The following COP1 variants were observed in gnomAD, a reference collection of about 807,000 sequenced individuals.
COP1 encodes the protein E3 ubiquitin-protein ligase COP1.
A neutral mutation model predicts 101.3 loss-of-function variants in COP1; 24 were observed. The observed-to-expected ratio is 0.24, with a 90% CI of 0.17 to 0.33. The LOEUF (loss-of-function observed/expected upper bound fraction) is 0.33, where lower values mean the gene tolerates loss of function less well. Among genes scored for constraint, COP1 ranks in the 10% least tolerant of loss-of-function variants. The pLI is 1.00. For missense variants in COP1, 663 were observed against 906.2 expected, an observed-to-expected ratio of 0.73 and a Z score of 3.45; for synonymous variants, 347 against 341.9, an observed-to-expected ratio of 1.01 and a Z score of -0.17.
chr1:176,145,596 A>T (rs962668420), intron 6 of COP1, among the ~76,000 whole-genome samples: 1 of 152,180 alleles, frequency 6.6e-6, no homozygotes, highest in Non-Finnish European at 1.5e-5. Context: ...AACTGAAAAC[A>T]ACTCAAATGA....
chr1:175,953,038 A>G (rs1191262297), intron 18 of COP1, among the ~76,000 whole-genome samples: 3 of 152,262 alleles, frequency 2.0e-5, no homozygotes, highest in Non-Finnish European at 2.9e-5. Context: ...AGGAAAAATA[A>G]TAACAGTGCT....
intron 8 of COP1, among the ~76,000 whole-genome samples, chr1:176,129,043 T>C (rs991791441): frequency 6.6e-6 from 1 of 151,928 alleles, no homozygotes; most frequent in African/African-American, 2.4e-5. Flanking sequence ...TAGAATGACA[T>C]GGGTAAACTA....
intron 11 of COP1, among the ~76,000 whole-genome samples, chr1:176,065,760 T>A (rs1454137140): frequency 6.9e-6 from 1 of 144,982 alleles, no homozygotes; most frequent in Non-Finnish European, 1.5e-5. Flanking sequence ...TAGGTTGGAG[T>A]GCAGTGGCGC....
intron 5 of COP1, 106 bp downstream of exon 5, chr1:176,162,762 AT>A: frequency 1.1e-6 from 1 of 910,086 alleles, no homozygotes; most frequent in Non-Finnish European, 1.6e-6. Context: ...CTGAGTAAAA[AT>A]GAATGGATTA....
rs530238270 is a variant in COP1 at position 176,134,195 on chromosome 1, C to T, written c.968+815G>A. Among the ~76,000 whole-genome samples, 74 of 152,030 alleles carry T rather than the reference C, an allele frequency of 4.9e-4. 1 individual carries two copies. The Middle Eastern group carries it at 0.01, about 21-fold the overall frequency. ...ATCTACCATAGTAGAACTGGACTTC[C>T]TGATAGTACACATTACCTAAAACTA... On this transcript the variant is annotated intron_variant, in intron 8 of 19. Coordinates refer to ENST00000367669, the MANE Select transcript of COP1 (RefSeq NM_022457.7).
chr1:176,160,242 A>G (rs1407359407), intron 5 of COP1: 1 of 390,296 alleles, frequency 2.6e-6, no homozygotes, highest in Non-Finnish European at 4.9e-6. Flanking sequence ...TTGGTATGGT[A>G]GCCCACACAC....
chr1:176,117,649 C>A (rs1686426632), intron 8 of COP1, among the ~76,000 whole-genome samples: 1 of 152,220 alleles, frequency 6.6e-6, no homozygotes, highest in Non-Finnish European at 1.5e-5. Flanking sequence ...AATCCCAGCA[C>A]TTTGGGAGGC....
chr1:175,972,454 T>C (rs1362038120), intron 18 of COP1, among the ~76,000 whole-genome samples: 4 of 149,074 alleles, frequency 2.7e-5, no homozygotes, highest in East Asian at 2.0e-4. Flanking sequence ...ATATACAAAA[T>C]ACAAGAATTT....
At chr1:176,026,611 T>C (rs1213383528) in intron 15 of COP1, among the ~76,000 whole-genome samples, 1 of 152,142 alleles carries the variant, frequency 6.6e-6, no homozygotes, top group African/African-American at 2.4e-5. Context: ...TACTTGTTAG[T>C]CCATGTCCTC....
intron 8 of COP1, among the ~76,000 whole-genome samples, chr1:176,130,960 G>GA (rs1459987290): frequency 6.6e-6 from 1 of 151,712 alleles, no homozygotes. Flanking sequence ...AATGGCATCT[G>GA]AAAAAAGAAT....
chr1:175,983,796 A>T (rs1265103974), intron 18 of COP1, among the ~76,000 whole-genome samples: 1 of 152,210 alleles, frequency 6.6e-6, no homozygotes, highest in East Asian at 1.9e-4. Flanking sequence ...GCTGGGAAAT[A>T]GAGCAAAGAA....
intron 5 of COP1, among the ~76,000 whole-genome samples, chr1:176,151,977 C>T (rs1199377739): frequency 2.1e-5 from 3 of 145,702 alleles, no homozygotes; most frequent in Non-Finnish European, 4.5e-5. Flanking sequence ...TTGCATCAGA[C>T]TTTCTAAGCA....
intron 15 of COP1, among the ~76,000 whole-genome samples, chr1:175,995,618 C>A (rs570325440): frequency 6.6e-6 from 1 of 152,202 alleles, no homozygotes; most frequent in African/African-American, 2.4e-5. Context: ...ACTACAAACA[C>A]CTCTACACAA....
At chr1:176,021,518 G>C (rs1666750744) in intron 15 of COP1, among the ~76,000 whole-genome samples, 1 of 152,032 alleles carries the variant, frequency 6.6e-6, no homozygotes, top group African/African-American at 2.4e-5. Context: ...ATAATGGTAA[G>C]TAATGAATGA....
chr1:176,013,816 T>C (rs560440700), intron 15 of COP1, among the ~76,000 whole-genome samples: 4 of 152,332 alleles, frequency 2.6e-5, no homozygotes, highest in East Asian at 3.9e-4. Context: ...TCCAGACTTA[T>C]TTAAATACGT....
chr1:175,987,177 T>G (rs1657327219), intron 17 of COP1, 74 bp from the exon 18 acceptor site: 1 of 752,738 alleles, frequency 1.3e-6, no homozygotes, highest in Non-Finnish European at 2.0e-6. Flanking sequence ...CTAATAGTAA[T>G]TATCAGCCAA....
At chr1:176,006,612 T>C (rs938641053) in intron 15 of COP1, among the ~76,000 whole-genome samples, 2 of 152,232 alleles carry the variant, frequency 1.3e-5, no homozygotes, top group Non-Finnish European at 1.5e-5. Flanking sequence ...TTACGAAGCT[T>C]AGTTTGGCTT....
chr1:176,181,790 C>T (rs959713870), intron 2 of COP1, among the ~76,000 whole-genome samples: 1 of 151,220 alleles, frequency 6.6e-6, no homozygotes, highest in Non-Finnish European at 1.5e-5. Context: ...TTGCAGTGAG[C>T]GGAGATCGAG....
chr1:176,055,526 G>A (rs1673320736), intron 11 of COP1, among the ~76,000 whole-genome samples: 3 of 152,176 alleles, frequency 2.0e-5, no homozygotes, highest in Admixed American at 6.5e-5. Flanking sequence ...TTTCTTTGGT[G>A]ATCTCATATA....
Sources: gnomAD v4.1 joint callset for allele counts (sites outside exome capture counted in the v4.1 genomes callset) on GRCh38, gnomAD v4.1.1 for gene constraint, MANE v1.5 for transcripts, NCBI Gene and HGNC (gene_info 2026-07-23, HGNC 2026-07-21) for gene names.